The following NKAIN2 variants were observed in gnomAD, a reference collection of about 807,000 sequenced individuals.
The protein encoded by NKAIN2 is sodium/potassium-transporting ATPase subunit beta-1-interacting protein 2.
In NKAIN2, 14 loss-of-function variants were observed where a neutral mutation model predicts 32.6. That is an observed-to-expected ratio of 0.43 (90% CI 0.28 to 0.67). The LOEUF (loss-of-function observed/expected upper bound fraction) is 0.67, where lower values mean the gene tolerates loss of function less well. Ranked by LOEUF, NKAIN2 falls within the 30% of genes least tolerant of loss-of-function variation. NKAIN2 has a pLI of 0.17. For synonymous variants in NKAIN2, 80 were observed against 87.2 expected (o/e 0.92, Z 0.46); for missense variants, 198 against 258.3 (o/e 0.77, Z 1.60).
chr6:123,837,526 C>A (rs956252657), intron 1 of NKAIN2, among the ~76,000 whole-genome samples: 2 of 152,116 alleles, frequency 1.3e-5, no homozygotes, highest in Non-Finnish European at 2.9e-5. Context: ...TCTTTTACCC[C>A]TCAGGTCCAA....
At chr6:124,228,502 C>G (rs967533249) in intron 1 of NKAIN2, among the ~76,000 whole-genome samples, 1 of 152,120 alleles carries the variant, frequency 6.6e-6, no homozygotes, top group Admixed American at 6.6e-5. Context: ...AACATCTCTC[C>G]AAAGCCCCAT....
chr6:124,412,600 C>T (rs1583212160), intron 3 of NKAIN2, among the ~76,000 whole-genome samples: 2 of 152,186 alleles, frequency 1.3e-5, no homozygotes, highest in Non-Finnish European at 2.9e-5. Flanking sequence ...GGGTGCCTCC[C>T]AGTTAGGCTA....
chr6:123,903,591 T>G (rs1774710807), intron 1 of NKAIN2, among the ~76,000 whole-genome samples: 1 of 152,196 alleles, frequency 6.6e-6, no homozygotes, highest in Admixed American at 6.5e-5. Context: ...TTTTCCAAAC[T>G]TAGCCCCCTT....
intron 1 of NKAIN2, among the ~76,000 whole-genome samples, chr6:123,830,038 T>G (rs1774312069): frequency 6.6e-6 from 1 of 152,170 alleles, no homozygotes; most frequent in Non-Finnish European, 1.5e-5. Flanking sequence ...CAACCTTAAA[T>G]GTTAGGGAAA....
chr6:124,344,530 C>T (rs1472300033), intron 2 of NKAIN2, among the ~76,000 whole-genome samples: 4 of 151,360 alleles, frequency 2.6e-5, no homozygotes, highest in East Asian at 1.9e-4. Context: ...TTTAGTTCTC[C>T]TTGAAGAGGT....
At chr6:124,803,240 C>T (rs1215077030) in intron 5 of NKAIN2, among the ~76,000 whole-genome samples, 1 of 152,174 alleles carries the variant, frequency 6.6e-6, no homozygotes, top group African/African-American at 2.4e-5. Context: ...TCAAGAACCT[C>T]GACAAATCTC....
At position 124,446,005 on chromosome 6, in the gene NKAIN2, C is replaced by T. The variant is rs117090402; in HGVS notation, c.273+90658C>T. 7.8e-4 allele frequency among the ~76,000 whole-genome samples: 119 copies of T among 152,142 alleles called. 1 individual carries two copies. The East Asian group carries it at 0.018, about 23-fold the overall frequency. On this transcript the variant is annotated intron_variant, in intron 3 of 6. Coordinates refer to ENST00000368417, the MANE Select transcript of NKAIN2 (RefSeq NM_001040214.3). ...TTTGTGTGCCTTCAAAATGGGGGAG[C>T]GGGAATCCCTGTGCAATGTAATTCT...
At chr6:124,372,396 T>A (rs954562284) in intron 3 of NKAIN2, among the ~76,000 whole-genome samples, 4 of 152,134 alleles carry the variant, frequency 2.6e-5, no homozygotes, top group Non-Finnish European at 5.9e-5. Context: ...CCATCTGTGT[T>A]TATTTTTCCT....
chr6:123,878,398 A>T (rs1773278012), intron 1 of NKAIN2, among the ~76,000 whole-genome samples: 1 of 152,116 alleles, frequency 6.6e-6, no homozygotes, highest in Non-Finnish European at 1.5e-5. Flanking sequence ...TTTTTTAAAG[A>T]TGTCAGAACC....
chr6:124,331,597 G>C (rs1008458524), intron 2 of NKAIN2, among the ~76,000 whole-genome samples: 2 of 151,166 alleles, frequency 1.3e-5, no homozygotes, highest in Middle Eastern at 3.4e-3. Context: ...ATAATAAATA[G>C]GGCTCAGGAT....
chr6:123,998,741 C>CTGTGTGTGTGTG (rs530702348), intron 1 of NKAIN2, among the ~76,000 whole-genome samples: 135 of 132,668 alleles, frequency 1.0e-3, no homozygotes, highest in Non-Finnish European at 1.7e-3. Flanking sequence ...CTCTCTCTCT[C>CTGTGTGTGTGTG]TCTGTGTGTG....
intron 4 of NKAIN2, 69 bp downstream of exon 4, chr6:124,658,455 GCA>G: frequency 6.2e-7 from 1 of 1,610,320 alleles, no homozygotes; most frequent in East Asian, 2.2e-5. Context: ...CGAACTCAGT[GCA>G]CACAAATGGA....
At chr6:124,220,592 G>T (rs1046314317) in intron 1 of NKAIN2, among the ~76,000 whole-genome samples, 1 of 150,638 alleles carries the variant, frequency 6.6e-6, no homozygotes, top group Non-Finnish European at 1.5e-5. Flanking sequence ...TTTCTTAGAA[G>T]AAATTTATAG....
intron 1 of NKAIN2, among the ~76,000 whole-genome samples, chr6:123,853,384 G>A (rs1407312210): frequency 6.6e-6 from 1 of 152,172 alleles, no homozygotes; most frequent in Non-Finnish European, 1.5e-5. Context: ...TGCAGCCCAA[G>A]TAGACAGTGA....
chr6:123,991,678 C>T (rs886540844), intron 1 of NKAIN2, among the ~76,000 whole-genome samples: 2 of 151,952 alleles, frequency 1.3e-5, no homozygotes, highest in East Asian at 3.9e-4. Flanking sequence ...CTGGCTAACA[C>T]GGTGAAACCA....
intron 1 of NKAIN2, among the ~76,000 whole-genome samples, chr6:123,903,907 A>G (rs1216463594): frequency 2.1e-5 from 3 of 141,128 alleles, no homozygotes; most frequent in African/African-American, 8.7e-5. Context: ...AGTCTATTAT[A>G]CGCATTTTTT....
intron 3 of NKAIN2, among the ~76,000 whole-genome samples, chr6:124,630,481 A>G (rs1002939314): frequency 5.3e-5 from 8 of 152,162 alleles, no homozygotes; most frequent in African/African-American, 1.9e-4. Flanking sequence ...AAAGCAATAT[A>G]GAGAATTATG....
intron 1 of NKAIN2, among the ~76,000 whole-genome samples, chr6:124,210,788 T>C (rs1473503621): frequency 6.6e-6 from 1 of 151,932 alleles, no homozygotes; most frequent in East Asian, 1.9e-4. Context: ...TTTTGAATGT[T>C]GATATTGTGT....
At chr6:124,221,069 G>T (rs891364568) in intron 1 of NKAIN2, among the ~76,000 whole-genome samples, 1 of 151,880 alleles carries the variant, frequency 6.6e-6, no homozygotes, top group South Asian at 2.1e-4. Flanking sequence ...AATACCCAAA[G>T]GACTGTAAAT....
Sources: allele counts gnomAD v4.1 joint callset (sites outside exome capture counted in the v4.1 genomes callset), GRCh38; gene constraint gnomAD v4.1.1; transcripts MANE v1.5; gene names NCBI Gene and HGNC (gene_info 2026-07-23, HGNC 2026-07-21).